Variants in FRRS1 observed in about 807,000 individuals in gnomAD.
The protein encoded by FRRS1 is ferric chelate reductase 1.
In FRRS1, 51 loss-of-function variants were observed where a neutral mutation model predicts 70.7. The ratio of observed to expected loss-of-function variants is 0.72; its 90% CI spans 0.58 to 0.91. The LOEUF (loss-of-function observed/expected upper bound fraction) is 0.91, where lower values mean the gene tolerates loss of function less well. FRRS1 is among the 40% of genes least tolerant of loss of function. The pLI is 0.00. For synonymous variants in FRRS1, 225 were observed against 238.7 expected (o/e 0.94, Z 0.53); for missense variants, 672 against 726.0 (o/e 0.93, Z 0.86).
chr1:99,735,059 T>TCTTCACTTAAA (rs1655583942), intron 7 of FRRS1, among the ~76,000 whole-genome samples: 1 of 152,224 alleles, frequency 6.6e-6, no homozygotes, highest in Non-Finnish European at 1.5e-5. Context: ...GTACAGTACA[T>TCTTCACTTAAA]CTTCACTTAA....
chr1:99,736,764 T>G (rs1263852000), intron 7 of FRRS1, among the ~76,000 whole-genome samples: 2 of 127,572 alleles, frequency 1.6e-5, no homozygotes, highest in Non-Finnish European at 3.1e-5. Flanking sequence ...AAACTTAAAG[T>G]GTACTAATAA....
chr1:99,755,282 C>T (rs2131632), intron 1 of FRRS1, among the ~76,000 whole-genome samples: 74,383 of 150,804 alleles, frequency 0.49, 22,314 homozygotes, highest in African/African-American at 0.85. Flanking sequence ...AAAAATTAGC[C>T]AGGCACAGTG....
At chr1:99,724,871 T>C (rs992856392) in intron 9 of FRRS1, among the ~76,000 whole-genome samples, 1 of 151,940 alleles carries the variant, frequency 6.6e-6, no homozygotes, top group African/African-American at 2.4e-5. Context: ...TTGGATTATA[T>C]TGTATTAATA....
chr1:99,718,309 T>C (rs543226866), intron 10 of FRRS1, among the ~76,000 whole-genome samples: 1 of 152,250 alleles, frequency 6.6e-6, no homozygotes, highest in African/African-American at 2.4e-5. Flanking sequence ...AACCAGAGTA[T>C]ATTAAGAGTC....
intron 7 of FRRS1, among the ~76,000 whole-genome samples, chr1:99,735,965 A>G (rs1406963873): frequency 6.6e-6 from 1 of 152,216 alleles, no homozygotes; most frequent in Non-Finnish European, 1.5e-5. Context: ...TGGCTAGAGC[A>G]TATATCTAAA....
chr1:99,736,683 T>C (rs1400943931), intron 7 of FRRS1, among the ~76,000 whole-genome samples: 1 of 147,934 alleles, frequency 6.8e-6, no homozygotes, highest in Non-Finnish European at 1.5e-5. Flanking sequence ...GACCAGTTAA[T>C]GGGTGCAGCA....
chr1:99,712,054 A>G (rs1048346731), intron 14 of FRRS1, 51 bp downstream of exon 14: 9 of 1,252,778 alleles, frequency 7.2e-6, no homozygotes, highest in Non-Finnish European at 1.0e-5. Context: ...ACAACTTGTA[A>G]TATAAGCAGC....
intron 6 of FRRS1, 74 bp from the exon 7 acceptor site, chr1:99,738,342 C>T (rs1655783939): frequency 9.1e-7 from 1 of 1,092,988 alleles, no homozygotes; most frequent in African/African-American, 1.6e-5. Flanking sequence ...AGAAGAATAA[C>T]TACCTTCAAG....
intron 9 of FRRS1, among the ~76,000 whole-genome samples, chr1:99,728,119 A>G (rs1481024251): frequency 6.6e-6 from 1 of 152,238 alleles, no homozygotes; most frequent in African/African-American, 2.4e-5. Context: ...AGGAGCCAAT[A>G]TCTCTTGCAA....
chr1:99,745,701 T>C (rs1355551876), intron 4 of FRRS1, among the ~76,000 whole-genome samples: 1 of 92,156 alleles, frequency 1.1e-5, no homozygotes, highest in Admixed American at 1.1e-4. Flanking sequence ...ATAAGTGTTC[T>C]ATTGATATTT....
At chr1:99,745,375 T>C (rs1656200002) in intron 4 of FRRS1, among the ~76,000 whole-genome samples, 1 of 152,190 alleles carries the variant, frequency 6.6e-6, no homozygotes, top group Non-Finnish European at 1.5e-5. Context: ...ACCTTGCCAG[T>C]AAAAGACTGC....
At chr1:99,724,879 ATATC>A (rs1209460420) in intron 9 of FRRS1, among the ~76,000 whole-genome samples, 1 of 151,810 alleles carries the variant, frequency 6.6e-6, no homozygotes, top group East Asian at 1.9e-4. Context: ...TATTGTATTA[ATATC>A]TATTACACCT....
chr1:99,728,415 G>A, intron 9 of FRRS1, 78 bp downstream of exon 9: 2 of 1,300,526 alleles, frequency 1.5e-6, no homozygotes, highest in Non-Finnish European at 2.1e-6. Context: ...AATTACAGTA[G>A]TTTTTCCAAA....
chr1:99,753,231 A>G (rs6577134), intron 1 of FRRS1, among the ~76,000 whole-genome samples: 111 of 148,498 alleles, frequency 7.5e-4, no homozygotes, highest in African/African-American at 1.1e-3. Flanking sequence ...AAAAAAAAAA[A>G]AAAAAAAGGC....
At chr1:99,721,376 G>C (rs1654814085) in intron 9 of FRRS1, among the ~76,000 whole-genome samples, 1 of 144,898 alleles carries the variant, frequency 6.9e-6, no homozygotes, top group Non-Finnish European at 1.5e-5. Flanking sequence ...GATAGAGCAA[G>C]ACTCCGTCTC....
chr1:99,753,774 A>C (rs948023702), intron 1 of FRRS1, among the ~76,000 whole-genome samples: 8 of 152,178 alleles, frequency 5.3e-5, no homozygotes, highest in African/African-American at 1.2e-4. Context: ...TCCAAAAAAA[A>C]AACAAGCTGT....
intron 1 of FRRS1, among the ~76,000 whole-genome samples, chr1:99,749,453 G>A (rs10158182): frequency 0.49 from 75,243 of 152,122 alleles, 22,619 homozygotes; most frequent in African/African-American, 0.85. Flanking sequence ...TTTACTCCAC[G>A]TCATCCTAGA....
chr1:99,735,668 T>C (rs1200828672), intron 7 of FRRS1, among the ~76,000 whole-genome samples: 3 of 152,206 alleles, frequency 2.0e-5, no homozygotes, highest in African/African-American at 4.8e-5. Context: ...TAATTAAGCC[T>C]TTTTTGTAAA....
At chr1:99,755,661 A>G (rs1406620076) in intron 1 of FRRS1, among the ~76,000 whole-genome samples, 1 of 152,256 alleles carries the variant, frequency 6.6e-6, no homozygotes, top group African/African-American at 2.4e-5. Context: ...GCTGAACAGC[A>G]TCAACCAAGT....
Sources: allele counts gnomAD v4.1 joint callset (sites outside exome capture counted in the v4.1 genomes callset), GRCh38; gene constraint gnomAD v4.1.1; transcripts MANE v1.5; gene names NCBI Gene and HGNC (gene_info 2026-07-23, HGNC 2026-07-21).